The following EDNRA variants were observed in gnomAD, a reference collection of about 807,000 sequenced individuals.
The protein encoded by EDNRA is endothelin-1 receptor.
A neutral mutation model predicts 41.4 loss-of-function variants in EDNRA; 11 were observed. The observed-to-expected ratio is 0.27, with a 90% CI of 0.17 to 0.44. The LOEUF is 0.44. Among genes scored for constraint, EDNRA ranks in the 20% least tolerant of loss-of-function variants. The probability of loss-of-function intolerance (pLI) is 1.00; values close to 1 mark genes in which losing one functional copy is unlikely to be tolerated. For synonymous variants in EDNRA, 172 were observed against 183.0 expected (o/e 0.94, Z 0.49); for missense variants, 294 against 531.0 (o/e 0.55, Z 4.39).
In EDNRA at chr4:147,485,773, G is replaced by A; in HGVS notation, c.92G>A (p.Ser31Asn). 6.2e-7 allele frequency: 1 copy of A among 1,614,214 alleles called. No homozygotes were observed. The highest frequency in any genetic ancestry group is 8.5e-7 in the Non-Finnish European group (1 of 1,180,038). ...DNPERYSTNL[S>N]NHVDDFTTFR... ...CCTGAGAGATACAGCACAAATCTAA[G>A]CAATCATGTGGATGATTTCACCACT... The change falls in exon 2 of 8, where the codon AGC becomes AAC. Residue 31 changes from serine to asparagine, a missense_variant. Transcript: ENST00000651419.
chr4:147,542,403 T>TG lies in EDNRA; in HGVS notation c.1144-73dup. On this transcript the variant is annotated intron_variant, in intron 7 of 7. Coordinates refer to ENST00000651419, the MANE Select transcript of EDNRA (RefSeq NM_001957.4). ...AATGGACATTTGCCCCTCATTAGCA[T>TG]GGCCCAGGGCCGCTGTGTTTGGCCG... is the stretch of plus-strand genomic sequence containing the variant. 4 of 1,587,408 alleles carry TG rather than the reference T, an allele frequency of 2.5e-6. No individual in the cohort carries two copies. In the South Asian group the frequency reaches 3.4e-5, roughly 14 times the overall value.
chr4:147,500,742 G>GT (rs1159123340), intron 2 of EDNRA, among the ~76,000 whole-genome samples: 1 of 131,964 alleles, frequency 7.6e-6, no homozygotes, highest in Non-Finnish European at 1.6e-5. Context: ...GGGGATGGAG[G>GT]TAAAAAAAAA....
At position 147,543,145 on chromosome 4, in the gene EDNRA, A is replaced by T. The variant is rs183278045; in HGVS notation, c.*527A>T. On this transcript the variant is annotated 3_prime_UTR_variant, in exon 8 of 8. Transcript: ENST00000651419. ...TTTTTTAACTGCATAATAGCCTAACATGATTATTTGAACTTATTTACACAT... is the reference window on the plus strand; with the variant it reads ...TTTTTTAACTGCATAATAGCCTAACTTGATTATTTGAACTTATTTACACAT... The T allele has an allele frequency of 4.6e-5, 7 of 152,300 alleles. No homozygotes were observed. The highest frequency in any genetic ancestry group is 1.7e-4 in the African/African-American group (7 of 41,568). 9.4% of individuals were successfully genotyped at this position (152,300 alleles called of 1,614,324 possible).
intron 3 of EDNRA, among the ~76,000 whole-genome samples, chr4:147,520,772 C>T (rs900107091): frequency 3.3e-5 from 5 of 152,226 alleles, no homozygotes; most frequent in African/African-American, 1.2e-4. Context: ...CCCTGACAAT[C>T]ACTTTATCAG....
chr4:147,539,803 TCA>T lies in EDNRA; in HGVS notation c.901-12_901-11del. ...CTAAATTTGTTGTCCTATTTTTTTC[TCA>T]CTTTCCTTTAGCGTCGAGAAGTGGC... On this transcript the variant is annotated splice_polypyrimidine_tract_variant and intron_variant, in intron 5 of 7. Transcript: ENST00000651419. The T allele has an allele frequency of 6.2e-7, 1 of 1,602,820 alleles. No individual in the cohort carries two copies. Among genetic ancestry groups the T allele is most frequent in the East Asian group, 2.2e-5 (1 of 44,820 alleles).
At chr4:147,508,980 T>G (rs1395626389) in intron 2 of EDNRA, among the ~76,000 whole-genome samples, 1 of 152,230 alleles carries the variant, frequency 6.6e-6, no homozygotes, top group East Asian at 1.9e-4. Flanking sequence ...GTTAGTTTCC[T>G]TGGATTTGGA....
At chr4:147,496,318 G>T (rs1374666690) in intron 2 of EDNRA, among the ~76,000 whole-genome samples, 1 of 152,142 alleles carries the variant, frequency 6.6e-6, no homozygotes, top group Non-Finnish European at 1.5e-5. Context: ...TGGTGTCATT[G>T]ATGTCATAAG....
chr4:147,540,033 CA>C (rs1044563942), intron 6 of EDNRA, 83 bp downstream of exon 6: 1 of 1,504,964 alleles, frequency 6.6e-7, no homozygotes, highest in African/African-American at 1.4e-5. Flanking sequence ...AGCTACTCTA[CA>C]TGCCCGTTAG....
At chr4:147,510,664 CT>C (rs1560904596) in intron 2 of EDNRA, among the ~76,000 whole-genome samples, 1 of 152,124 alleles carries the variant, frequency 6.6e-6, no homozygotes, top group Non-Finnish European at 1.5e-5. Context: ...TACATTTTAG[CT>C]TTTCCTTTGA....
chr4:147,501,021 G>GC (rs1171845980), intron 2 of EDNRA, among the ~76,000 whole-genome samples: 3 of 152,206 alleles, frequency 2.0e-5, no homozygotes, highest in Admixed American at 1.3e-4. Context: ...CTACACCAAA[G>GC]CCCATCTCTC....
chr4:147,532,011 C>T (rs1391300841), intron 3 of EDNRA, among the ~76,000 whole-genome samples: 1 of 118,830 alleles, frequency 8.4e-6, no homozygotes, highest in African/African-American at 3.9e-5. Flanking sequence ...GAACAAGACT[C>T]AGTCTCAAAA....
chr4:147,485,245 A>G (rs1728902749), intron 1 of EDNRA, among the ~76,000 whole-genome samples: 1 of 146,388 alleles, frequency 6.8e-6, no homozygotes, highest in Non-Finnish European at 1.5e-5. Flanking sequence ...ATAGCTATGT[A>G]TAGAGATGAG....
chr4:147,517,423 C>A (rs1730152753), intron 2 of EDNRA, among the ~76,000 whole-genome samples: 1 of 152,146 alleles, frequency 6.6e-6, no homozygotes, highest in Non-Finnish European at 1.5e-5. Flanking sequence ...ATGAGGGCCT[C>A]TTTGAGGAAG....
chr4:147,486,038 A>G lies in EDNRA; in HGVS notation c.357A>G (p.Ile119Met). The G allele has an allele frequency of 6.2e-7, 1 of 1,614,256 alleles. No individual in the cohort carries two copies. The highest frequency in any genetic ancestry group is 1.7e-5 in the Admixed American group (1 of 60,030). The change falls in exon 2 of 8, where the codon ATA (isoleucine) becomes ATG (methionine). Residue 119 changes from isoleucine (I) to methionine (M), a missense_variant. Around this residue, in one of 3 missense-constraint regions of EDNRA, gnomAD observed 185 missense variants for 390.8 expected, o/e 0.47. Transcript: ENST00000651419. The surrounding 1 kb of genome is among the most constrained non-coding windows in gnomAD (Gnocchi z 4.3). Reference protein sequence around the residue: ...KCMRNGPNALIASLALGDLIY... With the variant: ...KCMRNGPNALMASLALGDLIY... ...TGAGGAATGGCCCCAACGCGCTGAT[A>G]GCCAGTCTTGCCCTTGGAGACCTTA...
At position 147,540,504 on chromosome 4, in the gene EDNRA, T is replaced by C. The variant is rs1332702587; in HGVS notation, c.1143+19T>C. On this transcript the variant is annotated intron_variant, in intron 7 of 7. Transcript: ENST00000651419. Reference sequence around the variant, plus strand: ...TTTCCAGGTAAGATGATTTTTCAAGTATTTTTTAAAGACAACAAAATGAGT... The same window carrying C: ...TTTCCAGGTAAGATGATTTTTCAAGCATTTTTTAAAGACAACAAAATGAGT... The C allele has an allele frequency of 6.4e-7, 1 of 1,564,966 alleles. No individual in the cohort carries two copies. The highest frequency in any genetic ancestry group is 1.7e-5 in the Admixed American group (1 of 57,640).
chr4:147,492,555 A>C (rs191626660), intron 2 of EDNRA: 2 of 152,258 alleles, frequency 1.3e-5, no homozygotes, highest in East Asian at 3.9e-4. Flanking sequence ...CATTGTGTTA[A>C]CTATTTCTGT....
At chr4:147,516,821 A>G (rs1730131512) in intron 2 of EDNRA, among the ~76,000 whole-genome samples, 1 of 152,170 alleles carries the variant, frequency 6.6e-6, no homozygotes, top group Non-Finnish European at 1.5e-5. Context: ...ATTCTCTTAA[A>G]CAGTTACTTA....
chr4:147,491,750 C>T (rs1376608560), intron 2 of EDNRA: 1 of 152,192 alleles, frequency 6.6e-6, no homozygotes, highest in Non-Finnish European at 1.5e-5. Context: ...AATAAAAACA[C>T]ACTTTTCTCA....
chr4:147,483,013 G>A lies in EDNRA; in HGVS notation c.-71+1637G>A, dbSNP rs931009960. 1.1e-4 allele frequency among the ~76,000 whole-genome samples: 16 copies of A among 152,294 alleles called. 1 individual carries two copies. The South Asian group carries it at 1.9e-3, about 18-fold the overall frequency. ...TGGGAAGCTGGAAGACGTTAGTCAC[G>A]AAACAGCACAAGATATGAAAGTATT... On this transcript the variant is annotated intron_variant, in intron 1 of 7. Transcript: ENST00000651419.
Sources: allele counts gnomAD v4.1 joint callset (sites outside exome capture counted in the v4.1 genomes callset), GRCh38; gene constraint gnomAD v4.1.1; regional missense constraint gnomAD v4.1.1; non-coding constraint Gnocchi (gnomAD v3.1); transcripts MANE v1.5; gene names NCBI Gene and HGNC (gene_info 2026-07-23, HGNC 2026-07-21).